Variants in PEX14 observed in about 807,000 individuals in gnomAD.
PEX14 encodes the protein peroxisomal biogenesis factor 14, also known as peroxisomal membrane protein PEX14.
In PEX14, 15 loss-of-function variants were observed where a neutral mutation model predicts 49.5. The observed-to-expected ratio is 0.30, with a 90% confidence interval of 0.20 to 0.47. The LOEUF (loss-of-function observed/expected upper bound fraction) is 0.47. Ranked by LOEUF, PEX14 falls within the 20% of genes least tolerant of loss-of-function variation. The pLI is 1.00. For missense variants in PEX14, 398 were observed against 494.8 expected (o/e 0.80, Z 1.86); for synonymous variants, 210 against 212.7 (o/e 0.99, Z 0.11).
chr1:10,483,441 G>A (rs942808315), intron 1 of PEX14, among the ~76,000 whole-genome samples: 2 of 151,952 alleles, frequency 1.3e-5, no homozygotes, highest in Non-Finnish European at 2.9e-5. Context: ...CTCAGCCTCC[G>A]GAGTAGCTGG....
chr1:10,556,330 G>A (rs971838622), intron 3 of PEX14, among the ~76,000 whole-genome samples: 1 of 152,192 alleles, frequency 6.6e-6, no homozygotes, highest in Non-Finnish European at 1.5e-5. Flanking sequence ...ATTCCACAGG[G>A]TGGGGCTGAT....
intron 3 of PEX14, among the ~76,000 whole-genome samples, chr1:10,557,305 G>C (rs149467806): frequency 1.0e-3 from 156 of 152,308 alleles, no homozygotes; most frequent in African/African-American, 3.6e-3. Context: ...TCAGAGTTAG[G>C]CTGGGTGCAA....
At chr1:10,626,690 G>A (rs1304704866) in intron 7 of PEX14, among the ~76,000 whole-genome samples, 1 of 152,254 alleles carries the variant, frequency 6.6e-6, no homozygotes, top group Non-Finnish European at 1.5e-5. Flanking sequence ...GGGCGAGGTA[G>A]ACCTCACACG....
chr1:10,610,356 CATAT>C lies in PEX14; in HGVS notation c.299-7962_299-7959del, dbSNP rs999014236. ...TTATACACAAATATATATAACTTTACATATATATATATATATACACACACACACA... is the reference window on the plus strand; with the variant it reads ...TTATACACAAATATATATAACTTTACATATATATATATACACACACACACA... On this transcript the variant is annotated intron_variant, in intron 4 of 8. Coordinates refer to ENST00000356607, the MANE Select transcript of PEX14 (RefSeq NM_004565.3). 3.3e-3 allele frequency among the ~76,000 whole-genome samples: 471 copies of C among 143,028 alleles called. 4 individuals are homozygous for C. Among genetic ancestry groups the C allele is most frequent in the African/African-American group, 0.011 (424 of 38,904 alleles). The allele number at this position is 143,028 out of a possible 152,430, so 93.8% of individuals were successfully genotyped here.
intron 1 of PEX14, among the ~76,000 whole-genome samples, chr1:10,492,529 T>G (rs114520591): frequency 1.7e-3 from 259 of 152,142 alleles, no homozygotes; most frequent in African/African-American, 6.0e-3. Flanking sequence ...TTTAACCTCT[T>G]TTGCCTCAGT....
intron 3 of PEX14, among the ~76,000 whole-genome samples, chr1:10,574,724 T>A (rs533570895): frequency 3.3e-5 from 5 of 152,288 alleles, no homozygotes; most frequent in African/African-American, 1.2e-4. Flanking sequence ...AGGCCAGTTT[T>A]ATGCGTCAAC....
At chr1:10,502,272 C>T (rs914405897) in intron 2 of PEX14, among the ~76,000 whole-genome samples, 23 of 152,084 alleles carry the variant, frequency 1.5e-4, no homozygotes, top group Non-Finnish European at 2.8e-4. Context: ...CCTGTGATTC[C>T]CACCTCCTCT....
chr1:10,593,522 A>G (rs139583229), intron 3 of PEX14, among the ~76,000 whole-genome samples: 3 of 152,326 alleles, frequency 2.0e-5, no homozygotes, highest in African/African-American at 7.2e-5. Context: ...GCCACTCCCC[A>G]TCATCTGATC....
chr1:10,615,092 T>C (rs564640038), intron 4 of PEX14, among the ~76,000 whole-genome samples: 128 of 152,294 alleles, frequency 8.4e-4, no homozygotes, highest in African/African-American at 2.4e-3. Context: ...CCCATGGCAG[T>C]TTCTTAGACA....
intron 2 of PEX14, among the ~76,000 whole-genome samples, chr1:10,508,071 C>T (rs970788641): frequency 9.2e-5 from 14 of 152,220 alleles, no homozygotes; most frequent in South Asian, 8.3e-4. Flanking sequence ...CCTGTTCTTC[C>T]TGTCAGCATT....
chr1:10,629,863 T>C lies in PEX14; in HGVS notation c.1010T>C (p.Val337Ala), dbSNP rs1258983860. 1.9e-6 allele frequency: 3 copies of C among 1,611,924 alleles called. No individual in the cohort carries two copies. Among genetic ancestry groups the C allele is most frequent in the Non-Finnish European group, 2.5e-6 (3 of 1,178,630 alleles). Residue 337 changes from valine (V) to alanine (A), a missense_variant, in exon 9 of 9, where the codon GTG becomes GCG. Around this residue, in one of 3 missense-constraint regions of PEX14, gnomAD observed 140 missense variants for 155.5 expected, o/e 0.90. Coordinates refer to ENST00000356607, the MANE Select transcript of PEX14 (RefSeq NM_004565.3). This position sits in a 1 kb window ranked among gnomAD's most constrained non-coding sequence, Gnocchi z 8.5. ...EDEEDDDVSH[V>A]DEEDCLGVQR... ...GAGGAGGATGATGATGTGAGCCATG[T>C]GGACGAGGAGGACTGCCTGGGGGTG...
chr1:10,527,710 G>A (rs1021877472), intron 2 of PEX14, among the ~76,000 whole-genome samples: 3 of 151,702 alleles, frequency 2.0e-5, no homozygotes, highest in Admixed American at 6.6e-5. Context: ...GTCTCACTCT[G>A]TCACCCAGGC....
chr1:10,574,250 TAAAGA>T (rs1197002408), intron 3 of PEX14, among the ~76,000 whole-genome samples: 1 of 152,178 alleles, frequency 6.6e-6, no homozygotes, highest in Non-Finnish European at 1.5e-5. Context: ...GAATGAGTCT[TAAAGA>T]ATTCTGTCAA....
At chr1:10,562,025 C>T (rs900447818) in intron 3 of PEX14, among the ~76,000 whole-genome samples, 1 of 151,988 alleles carries the variant, frequency 6.6e-6, no homozygotes, top group Non-Finnish European at 1.5e-5. Context: ...TATGCCACTG[C>T]GCCTGGCTAA....
intron 4 of PEX14, among the ~76,000 whole-genome samples, chr1:10,617,660 C>T (rs1293799948): frequency 1.3e-5 from 2 of 152,078 alleles, no homozygotes; most frequent in Non-Finnish European, 2.9e-5. Flanking sequence ...CCCCCAAGGG[C>T]CTCAGGGCTC....
chr1:10,536,504 A>G (rs1235378442), intron 3 of PEX14: 6 of 586,938 alleles, frequency 1.0e-5, no homozygotes, highest in Non-Finnish European at 1.6e-5. Context: ...GATTCGGGTA[A>G]TTAAGCACGG....
intron 3 of PEX14, among the ~76,000 whole-genome samples, chr1:10,554,303 C>CA (rs61712771): frequency 0.45 from 54,474 of 121,722 alleles, 12,483 homozygotes; most frequent in Non-Finnish European, 0.46. Context: ...GACTCCGTCT[C>CA]AAAAAAAAAA....
At chr1:10,577,129 C>T (rs1011566686) in intron 3 of PEX14, among the ~76,000 whole-genome samples, 3 of 151,262 alleles carry the variant, frequency 2.0e-5, no homozygotes, top group Non-Finnish European at 2.9e-5. Flanking sequence ...ATTCTGAGGC[C>T]GAGCGCAGTG....
At chr1:10,545,327 T>A (rs1639137410) in intron 3 of PEX14, among the ~76,000 whole-genome samples, 2 of 152,138 alleles carry the variant, frequency 1.3e-5, no homozygotes, top group Admixed American at 6.5e-5. Context: ...GACATATAAT[T>A]TCTTTTGGGT....
Sources: gnomAD v4.1 joint callset for allele counts (sites outside exome capture counted in the v4.1 genomes callset) on GRCh38, gnomAD v4.1.1 for gene constraint, gnomAD v4.1.1 regional missense constraint, Gnocchi (gnomAD v3.1) non-coding constraint, MANE v1.5 for transcripts, NCBI Gene and HGNC (gene_info 2026-07-23, HGNC 2026-07-21) for gene names.